UNC13C: variants seen among roughly 807,000 people sequenced by gnomAD.
UNC13C encodes the protein unc-13 homolog C.
A neutral mutation model predicts 245.4 loss-of-function variants in UNC13C; 174 were observed. The ratio of observed to expected loss-of-function variants is 0.71; its 90% CI spans 0.63 to 0.80. The LOEUF (loss-of-function observed/expected upper bound fraction) is 0.80. Ranked by LOEUF, UNC13C falls within the 30% of genes least tolerant of loss-of-function variation. The pLI is 0.00. For synonymous variants in UNC13C, 992 were observed against 895.1 expected (o/e 1.11, Z -1.93); for missense variants, 2,829 against 2,602.9 (o/e 1.09, Z -1.89).
intron 30 of UNC13C, among the ~76,000 whole-genome samples, chr15:54,616,574 T>C (rs1050957258): frequency 1.3e-5 from 2 of 151,962 alleles, no homozygotes; most frequent in Non-Finnish European, 2.9e-5. Flanking sequence ...ACAAAAGCTT[T>C]TAAGTAAAAA....
chr15:54,291,518 T>C (rs557470689), intron 10 of UNC13C, among the ~76,000 whole-genome samples: 2 of 152,020 alleles, frequency 1.3e-5, no homozygotes, highest in African/African-American at 2.4e-5. Context: ...ATAATAGATA[T>C]ATTAAACATA....
At chr15:54,500,512 C>A (rs1000712443) in intron 21 of UNC13C, among the ~76,000 whole-genome samples, 1 of 152,070 alleles carries the variant, frequency 6.6e-6, no homozygotes, top group Non-Finnish European at 1.5e-5. Context: ...TTCTCCCAGT[C>A]CCTGTGAAGC....
intron 29 of UNC13C, among the ~76,000 whole-genome samples, chr15:54,558,021 A>G (rs1401806034): frequency 3.3e-5 from 5 of 152,016 alleles, no homozygotes; most frequent in Admixed American, 1.3e-4. Context: ...CAAACACCAC[A>G]TATTCTCACT....
In UNC13C at chr15:54,429,762, G is replaced by A. The variant is rs533036531; in HGVS notation, c.4933+14695G>A. On this transcript the variant is annotated intron_variant, in intron 19 of 32. Transcript: ENST00000260323. ...ACATATTGAAGGCAGTGTAATGACA[G>A]CATTGCCATTTTGCTATTCCTTTAA... Among the ~76,000 whole-genome samples, 527 of 151,710 alleles carry A rather than the reference G, an allele frequency of 3.5e-3. 3 individuals carry two copies. The highest frequency in any genetic ancestry group is 5.1e-3 in the Non-Finnish European group (346 of 67,684).
intron 4 of UNC13C, among the ~76,000 whole-genome samples, chr15:54,154,227 C>G (rs564704169): frequency 6.6e-6 from 1 of 152,014 alleles, no homozygotes; most frequent in Non-Finnish European, 1.5e-5. Flanking sequence ...ATTCACCAAT[C>G]TACTTTCTAT....
intron 10 of UNC13C, among the ~76,000 whole-genome samples, chr15:54,280,647 CAT>C (rs1169968088): frequency 1.4e-5 from 2 of 146,560 alleles, no homozygotes; most frequent in Non-Finnish European, 1.5e-5. Context: ...CATATATAAA[CAT>C]ATATGTATGT....
At chr15:54,379,533 T>C (rs1274843699) in intron 17 of UNC13C, among the ~76,000 whole-genome samples, 1 of 152,200 alleles carries the variant, frequency 6.6e-6, no homozygotes, top group Non-Finnish European at 1.5e-5. Flanking sequence ...AAGTTACCTT[T>C]TACAGTGAAC....
At chr15:54,015,978 AAG>A (rs1895638961) in intron 2 of UNC13C, 92 bp downstream of exon 2, 1 of 1,137,626 alleles carries the variant, frequency 8.8e-7, no homozygotes, top group African/African-American at 1.6e-5. Flanking sequence ...ACTTGGGTGA[AAG>A]AGTTTACTTG....
At chr15:54,180,711 C>T (rs878894888) in intron 4 of UNC13C, among the ~76,000 whole-genome samples, 3 of 151,858 alleles carry the variant, frequency 2.0e-5, no homozygotes, top group Non-Finnish European at 2.9e-5. Context: ...AATGGTATCT[C>T]ATTGTAGTTT....
Position 54,626,862 on chromosome 15 carries a change from G to A in UNC13C, c.6394G>A (p.Glu2132Lys). 6.2e-7 allele frequency: 1 copy of A among 1,612,982 alleles called. No individual in the cohort carries two copies. The part of the protein sequence containing the change: ...LGKENRPGAY[E>K]LHLSVKDYCF... Reference sequence around the variant, plus strand: ...AAAGGAAAATCGACCAGGGGCTTATGAACTTCATCTCTCAGTTAAGGATTA... The same window carrying A: ...AAAGGAAAATCGACCAGGGGCTTATAAACTTCATCTCTCAGTTAAGGATTA... The change falls in exon 33 of 33, where the codon GAA becomes AAA. Residue 2132 changes from glutamate to lysine, a missense_variant. Glu to Lys is a moderately conservative substitution (Grantham distance 56). Transcript: ENST00000260323.
chr15:54,228,792 C>T (rs999332434), intron 4 of UNC13C, among the ~76,000 whole-genome samples: 1 of 152,150 alleles, frequency 6.6e-6, no homozygotes, highest in Non-Finnish European at 1.5e-5. Flanking sequence ...AAGTGTCTAT[C>T]CCAGACCTGT....
intron 4 of UNC13C, among the ~76,000 whole-genome samples, chr15:54,158,784 A>G (rs1313917043): frequency 6.6e-6 from 1 of 151,910 alleles, no homozygotes; most frequent in Admixed American, 6.6e-5. Flanking sequence ...CAAATAGCCG[A>G]GACCACAGGC....
At chr15:53,928,163 C>T in the UNC13C span, among the ~76,000 whole-genome samples, 23,406 of 152,138 alleles carry the variant, frequency 0.15, 2,150 homozygotes, top group Middle Eastern at 0.23. Context: ...TCAGGGGTCT[C>T]ACAGCCTTCA....
chr15:53,895,230 C>T, the UNC13C span, among the ~76,000 whole-genome samples: 3 of 150,056 alleles, frequency 2.0e-5, no homozygotes, highest in African/African-American at 2.5e-5. Context: ...TGGGTGTGGT[C>T]GCAGGCGTCT....
At chr15:54,454,295 G>T (rs916810304) in intron 19 of UNC13C, among the ~76,000 whole-genome samples, 1 of 152,026 alleles carries the variant, frequency 6.6e-6, no homozygotes, top group Non-Finnish European at 1.5e-5. Flanking sequence ...ATAACTCCCT[G>T]GCGGGGTGCA....
At chr15:54,081,166 A>C (rs565801788) in intron 2 of UNC13C, among the ~76,000 whole-genome samples, 3 of 152,098 alleles carry the variant, frequency 2.0e-5, no homozygotes, top group African/African-American at 7.2e-5. Context: ...GTGGTCTGAT[A>C]ATATGCTTGA....
intron 2 of UNC13C, among the ~76,000 whole-genome samples, chr15:54,067,812 G>A (rs1322310596): frequency 6.6e-6 from 1 of 152,170 alleles, no homozygotes; most frequent in Non-Finnish European, 1.5e-5. Flanking sequence ...TGTCCAATAT[G>A]TGGGATGCTG....
intron 1 of UNC13C, among the ~76,000 whole-genome samples, chr15:53,980,189 C>T (rs576272894): frequency 6.6e-6 from 1 of 152,102 alleles, no homozygotes; most frequent in Non-Finnish European, 1.5e-5. Context: ...AAACTATAAA[C>T]CTCATTTTTG....
intron 17 of UNC13C, among the ~76,000 whole-genome samples, chr15:54,351,391 A>G (rs1302121007): frequency 6.6e-6 from 1 of 152,160 alleles, no homozygotes; most frequent in African/African-American, 2.4e-5. Context: ...AAGTATCTAG[A>G]GAAAAACTTG....
Sources: allele counts gnomAD v4.1 joint callset (sites outside exome capture counted in the v4.1 genomes callset), GRCh38; gene constraint gnomAD v4.1.1; transcripts MANE v1.5; gene names NCBI Gene and HGNC (gene_info 2026-07-23, HGNC 2026-07-21).